Variants in CDX2 observed in about 807,000 individuals in gnomAD.
The protein encoded by CDX2 is caudal type homeobox 2.
In CDX2, 7 loss-of-function variants were observed where a neutral mutation model predicts 25.5. The observed-to-expected ratio is 0.27, with a 90% CI of 0.16 to 0.52. CDX2 has a LOEUF of 0.52. Ranked by LOEUF, CDX2 falls within the 20% of genes least tolerant of loss-of-function variation. CDX2 has a pLI of 0.97. For synonymous variants in CDX2, 222 were observed against 198.6 expected (o/e 1.12, Z -0.99); for missense variants, 375 against 431.4 (o/e 0.87, Z 1.16).
Position 27,969,095 on chromosome 13 carries a change from G to A in CDX2, c.-89C>T. 4 of 1,004,310 alleles carry A rather than the reference G, an allele frequency of 4.0e-6. No homozygotes were observed. The highest frequency in any genetic ancestry group is 2.5e-5 in the Admixed American group (1 of 40,764). The allele number at this position is 1,004,310 out of a possible 1,614,324, so 62.2% of individuals were successfully genotyped here. On this transcript the variant is annotated 5_prime_UTR_variant, in exon 1 of 3. Transcript: ENST00000381020. ...GGGGGCACGAAGGGAAAGGGGCGAG[G>A]GGACTCGAGGAGCGGCGGGTGGCTG...
Position 27,961,415 on chromosome 13 carries a change from A to G in CDX2, c.*1700T>C, listed in dbSNP as rs924564605. On this transcript the variant is annotated 3_prime_UTR_variant, in exon 3 of 3. Coordinates refer to ENST00000381020, the MANE Select transcript of CDX2 (RefSeq NM_001265.6). ...TCGCCCGGGTCCTGCCGGAAAGTTC[A>G]GCTCGGCGGCCTCCAGGATCAAAAA... 6.6e-6 allele frequency among the ~76,000 whole-genome samples: 1 copy of G among 152,232 alleles called. No homozygotes were observed. The highest frequency in any genetic ancestry group is 2.4e-5 in the African/African-American group (1 of 41,456).
Position 27,961,952 on chromosome 13 carries a change from G to A in CDX2, c.*1163C>T, listed in dbSNP as rs1471579371. 6.6e-6 allele frequency among the ~76,000 whole-genome samples: 1 copy of A among 152,136 alleles called. No individual in the cohort carries two copies. The highest frequency in any genetic ancestry group is 1.5e-5 in the Non-Finnish European group (1 of 68,036). On this transcript the variant is annotated 3_prime_UTR_variant, in exon 3 of 3. Coordinates refer to ENST00000381020, the MANE Select transcript of CDX2 (RefSeq NM_001265.6). ...TTCCAAGGCTGGGCTCAGGCTTGGGGGCAGGGAAGGTCTCAGAACCTGCTC... is the reference window on the plus strand; with the variant it reads ...TTCCAAGGCTGGGCTCAGGCTTGGGAGCAGGGAAGGTCTCAGAACCTGCTC...
In CDX2 at chr13:27,963,315, T is replaced by A; in HGVS notation, c.742A>T (p.Lys248Ter). The stretch of plus-strand genomic sequence containing the variant: ...TGCTGCTGCTGTTGCTGCTGCAACT[T>A]CTTCTTGTTGATTTTCCTCTCCTTT... ...RAKERKINKK[K>*]LQQQQQQQPP... Residue 248 changes from lysine to a stop codon, truncating the protein, a stop_gained, in exon 3 of 3, where the codon AAG (lysine) becomes TAG (stop). Coordinates refer to ENST00000381020, the MANE Select transcript of CDX2 (RefSeq NM_001265.6). LOFTEE classifies it high-confidence loss of function. 2.5e-6 allele frequency: 4 copies of A among 1,613,142 alleles called. No individual in the cohort carries two copies. Among genetic ancestry groups the A allele is most frequent in the Non-Finnish European group, 2.5e-6 (3 of 1,179,446 alleles).
chr13:27,967,447 C>A, intron 1 of CDX2: 2 of 464,860 alleles, frequency 4.3e-6, no homozygotes, highest in Non-Finnish European at 4.2e-6. Context: ...ATTGGGGCAT[C>A]AAGGAGCGAA....
chr13:27,964,954 C>G lies in CDX2; in HGVS notation c.603G>C (p.Leu201=), dbSNP rs754544806. 5.0e-6 allele frequency: 8 copies of G among 1,614,034 alleles called. No individual in the cohort carries two copies. In the South Asian group the frequency reaches 8.8e-5, roughly 18 times the overall value. ...VVYTDHQRLE[L]EKEFHYSRYI... ...AGCGACTGTAGTGAAACTCCTTCTC[C>G]AGCTCCAGCCGCTGGTGGTCCGTGT... The change falls in exon 2 of 3, where the codon CTG becomes CTC. Residue 201 remains leucine (L), a synonymous_variant. Coordinates refer to ENST00000381020, the MANE Select transcript of CDX2 (RefSeq NM_001265.6). The surrounding 1 kb of genome is among the most constrained non-coding windows in gnomAD (Gnocchi z 4.7).
intron 1 of CDX2, among the ~76,000 whole-genome samples, chr13:27,968,086 G>A (rs889107477): frequency 1.8e-4 from 27 of 152,314 alleles, no homozygotes; most frequent in African/African-American, 6.3e-4. Context: ...CTCTCTCCTC[G>A]GCGGCCAGGA....
Position 27,968,851 on chromosome 13 carries a change from T to C in CDX2, c.156A>G (p.Ala52=). Residue 52 remains alanine, a synonymous_variant, in exon 1 of 3, where the codon GCA becomes GCG. Coordinates refer to ENST00000381020, the MANE Select transcript of CDX2 (RefSeq NM_001265.6). ...GYHVAAAAAA[A]ANLDSAQSPG... is the part of the protein sequence containing the mutation. ...GGGACTGCGCGCTGTCCAAGTTCGC[T>C]GCCGCTGCAGCTGCGGCCGCCACGT... 4 of 1,590,142 alleles carry C rather than the reference T, an allele frequency of 2.5e-6. No individual in the cohort carries two copies. The highest frequency in any genetic ancestry group is 1.1e-5 in the South Asian group (1 of 88,256).
At position 27,969,023 on chromosome 13, in the gene CDX2, G is replaced by A. The variant is rs201603624; in HGVS notation, c.-17C>T. The A allele has an allele frequency of 6.3e-7, 1 of 1,579,896 alleles. No individual in the cohort carries two copies. Among genetic ancestry groups the A allele is most frequent in the Admixed American group, 1.7e-5 (1 of 59,326 alleles). On this transcript the variant is annotated 5_prime_UTR_variant, in exon 1 of 3. Coordinates refer to ENST00000381020, the MANE Select transcript of CDX2 (RefSeq NM_001265.6). ...CACGTACATGGTGGCGAGGGTCCGG[G>A]AGCAGACCTCACCATGCTGCCTGGG...
At chr13:27,968,117 C>G (rs1282939359) in intron 1 of CDX2, among the ~76,000 whole-genome samples, 1 of 152,236 alleles carries the variant, frequency 6.6e-6, no homozygotes, top group Non-Finnish European at 1.5e-5. Flanking sequence ...GAATGCATGC[C>G]GCAGCAAGTG....
At position 27,961,145 on chromosome 13, in the gene CDX2, C is replaced by G. The variant is rs911895969; in HGVS notation, c.*1970G>C. ...ACCCCCCGACCCCACGCCCCGCACT[C>G]CTCCCTCTGGCTTCGAGGCCAGGCG... On this transcript the variant is annotated 3_prime_UTR_variant, in exon 3 of 3. Coordinates refer to ENST00000381020, the MANE Select transcript of CDX2 (RefSeq NM_001265.6). Among the ~76,000 whole-genome samples the G allele has an allele frequency of 1.3e-5, 2 of 152,202 alleles. No individual in the cohort carries two copies. Among genetic ancestry groups the G allele is most frequent in the African/African-American group, 4.8e-5 (2 of 41,456 alleles).
Position 27,968,584 on chromosome 13 carries a change from G to C in CDX2, c.423C>G (p.Asn141Lys). Reference sequence around the variant, plus strand: ...TGGCGGCGGGCCCAGGAGGGCCGGGGTTGAGCGTTTGCAGCAGCCCAGAAG... The same window carrying C: ...TGGCGGCGGGCCCAGGAGGGCCGGGCTTGAGCGTTTGCAGCAGCCCAGAAG... ...SCASGLLQTL[N>K]PGPPGPAATA... Residue 141 changes from asparagine to lysine, a missense_variant, in exon 1 of 3, where the codon AAC becomes AAG. Around this residue, in one of 3 missense-constraint regions of CDX2, gnomAD observed 253 missense variants for 247.5 expected, o/e 1.02. Transcript: ENST00000381020. 6.4e-7 allele frequency: 1 copy of C among 1,572,862 alleles called. No individual in the cohort carries two copies. The highest frequency in any genetic ancestry group is 8.6e-7 in the Non-Finnish European group (1 of 1,168,344).
intron 1 of CDX2, among the ~76,000 whole-genome samples, chr13:27,966,568 C>T (rs1405076771): frequency 1.3e-5 from 2 of 152,168 alleles, no homozygotes; most frequent in African/African-American, 4.8e-5. Context: ...GGGAGGGAGA[C>T]TCGCCTGGAA....
rs2137532836 is a variant in CDX2 at position 27,962,460 on chromosome 13, C to T, written c.*655G>A. 4.3e-6 allele frequency: 1 copy of T among 233,426 alleles called. No individual in the cohort carries two copies. The highest frequency in any genetic ancestry group is 6.0e-5 in the East Asian group (1 of 16,536). The allele number at this position is 233,426 out of a possible 1,614,324, so 14.5% of individuals were successfully genotyped here. A position where few individuals can be genotyped will look rare whatever the true frequency, so the allele number is the denominator to read the frequency against. ...TCTAAACAAGTCCCTGTTCGGGCCCCCTGGTCAGGCCTGGAGTCCAATAAC... is the reference window on the plus strand; with the variant it reads ...TCTAAACAAGTCCCTGTTCGGGCCCTCTGGTCAGGCCTGGAGTCCAATAAC... On this transcript the variant is annotated 3_prime_UTR_variant, in exon 3 of 3. Transcript: ENST00000381020.
At position 27,964,731 on chromosome 13, in the gene CDX2, A is replaced by T; in HGVS notation, c.687+139T>A. 1.8e-6 allele frequency: 1 copy of T among 544,890 alleles called. No homozygotes were observed. The highest frequency in any genetic ancestry group is 2.0e-5 in the African/African-American group (1 of 49,766). The allele number at this position is 544,890 out of a possible 1,614,324, so 33.8% of individuals were successfully genotyped here. ...TTTAAAAAAAAAAAAAAAAAAAAAA[A>T]GGACTCCAAAGACGAATGCTTGCAT... is the stretch of plus-strand genomic sequence containing the variant. On this transcript the variant is annotated intron_variant, in intron 2 of 2. Transcript: ENST00000381020. The surrounding 1 kb of genome is among the most constrained non-coding windows in gnomAD (Gnocchi z 4.7).
chr13:27,968,440 T>G, intron 1 of CDX2, 26 bp downstream of exon 1: 1 of 1,489,990 alleles, frequency 6.7e-7, no homozygotes, highest in South Asian at 1.3e-5. Flanking sequence ...CCAAGCACCC[T>G]CCGAAGGGGC....
chr13:27,967,979 A>ACCC (rs568632599), intron 1 of CDX2, among the ~76,000 whole-genome samples: 13 of 151,546 alleles, frequency 8.6e-5, no homozygotes, highest in African/African-American at 3.1e-4. Context: ...CCATCCTCCG[A>ACCC]CCCCCCCAGG....
At position 27,961,061 on chromosome 13, in the gene CDX2, C is replaced by A. The variant is rs962536037; in HGVS notation, c.*2054G>T. 6.6e-6 allele frequency among the ~76,000 whole-genome samples: 1 copy of A among 152,068 alleles called. No individual in the cohort carries two copies. Among genetic ancestry groups the A allele is most frequent in the African/African-American group, 2.4e-5 (1 of 41,412 alleles). On this transcript the variant is annotated 3_prime_UTR_variant, in exon 3 of 3. Coordinates refer to ENST00000381020, the MANE Select transcript of CDX2 (RefSeq NM_001265.6). ...GGCTCAGACCGGCCCTGACCCAGGA[C>A]CCCTGACCCAGGACCCCTCGCCCAG...
chr13:27,968,039 A>C (rs1329839515), intron 1 of CDX2, among the ~76,000 whole-genome samples: 1 of 152,110 alleles, frequency 6.6e-6, no homozygotes, highest in Non-Finnish European at 1.5e-5. Context: ...AGCGGAGATA[A>C]ATGGCCTAGA....
rs1007723774 is a variant in CDX2 at position 27,961,945 on chromosome 13, G to A, written c.*1170C>T. Among the ~76,000 whole-genome samples, 2 of 152,136 alleles carry A rather than the reference G, an allele frequency of 1.3e-5. No individual in the cohort carries two copies. Among genetic ancestry groups the A allele is most frequent in the African/African-American group, 4.8e-5 (2 of 41,430 alleles). On this transcript the variant is annotated 3_prime_UTR_variant, in exon 3 of 3. Coordinates refer to ENST00000381020, the MANE Select transcript of CDX2 (RefSeq NM_001265.6). ...CCACGCATTCCAAGGCTGGGCTCAGGCTTGGGGGCAGGGAAGGTCTCAGAA... is the reference window on the plus strand; with the variant it reads ...CCACGCATTCCAAGGCTGGGCTCAGACTTGGGGGCAGGGAAGGTCTCAGAA...
Sources: allele counts gnomAD v4.1 joint callset (sites outside exome capture counted in the v4.1 genomes callset), GRCh38; gene constraint gnomAD v4.1.1; regional missense constraint gnomAD v4.1.1; non-coding constraint Gnocchi (gnomAD v3.1); transcripts MANE v1.5; gene names NCBI Gene and HGNC (gene_info 2026-07-23, HGNC 2026-07-21).